Variants in SRGAP1 observed in about 807,000 individuals in gnomAD.
SRGAP1 encodes SLIT-ROBO Rho GTPase-activating protein 1.
A neutral mutation model predicts 121.9 loss-of-function variants in SRGAP1; 43 were observed. The observed-to-expected ratio is 0.35, with a 90% confidence interval of 0.28 to 0.46. SRGAP1 has a LOEUF of 0.46. Ranked by LOEUF, SRGAP1 falls within the 20% of genes least tolerant of loss-of-function variation. SRGAP1 has a pLI of 1.00. For missense variants in SRGAP1, 1,102 were observed against 1,350.9 expected (o/e 0.82, Z 2.89); for synonymous variants, 447 against 485.4 (o/e 0.92, Z 1.04).
At position 64,062,970 on chromosome 12, in the gene SRGAP1, G is replaced by A; in HGVS notation, c.855G>A (p.Leu285=). The stretch of plus-strand genomic sequence containing the variant: ...TGAACAGAGCCCTAAGAACATATCT[G>A]TCTGCGGAGTACAACCTTGAAACCT... ...ASLNRALRTY[L]SAEYNLETSR... Residue 285 remains leucine (L), a synonymous_variant, in exon 7 of 22, where the codon CTG becomes CTA. Coordinates refer to ENST00000355086, the MANE Select transcript of SRGAP1 (RefSeq NM_020762.4). 2.5e-6 allele frequency: 4 copies of A among 1,614,012 alleles called. No homozygotes were observed. The South Asian group carries it at 4.4e-5, about 18-fold the overall frequency.
chr12:63,903,096 GTGTT>G (rs901947544), intron 1 of SRGAP1, among the ~76,000 whole-genome samples: 2 of 152,138 alleles, frequency 1.3e-5, no homozygotes, highest in Non-Finnish European at 2.9e-5. Flanking sequence ...GTGTGTATGT[GTGTT>G]TGTGTGAACT....
chr12:63,973,890 G>A (rs952335567), intron 1 of SRGAP1, among the ~76,000 whole-genome samples: 2 of 152,152 alleles, frequency 1.3e-5, no homozygotes, highest in African/African-American at 4.8e-5. Flanking sequence ...GAATGTCAAT[G>A]TTTGGCAAAT....
Position 63,917,584 on chromosome 12 carries a change from A to G in SRGAP1, c.68-66363A>G, listed in dbSNP as rs1010713149. 5.3e-5 allele frequency among the ~76,000 whole-genome samples: 8 copies of G among 151,032 alleles called. No individual in the cohort carries two copies. The East Asian group carries it at 1.6e-3, about 29-fold the overall frequency. On this transcript the variant is annotated intron_variant, in intron 1 of 21. Coordinates refer to ENST00000355086, the MANE Select transcript of SRGAP1 (RefSeq NM_020762.4). ...CGAAGGCCCTGGGTTTTACTACTAT[A>G]AAATAAGTCATCATCTAGGATGTGA...
chr12:64,108,967 C>G lies in SRGAP1; in HGVS notation c.1849C>G (p.Arg617Gly). 3 of 1,604,002 alleles carry G rather than the reference C, an allele frequency of 1.9e-6. No homozygotes were observed. Among genetic ancestry groups the G allele is most frequent in the Non-Finnish European group, 2.6e-6 (3 of 1,173,258 alleles). The change falls in exon 16 of 22, where the codon CGC (arginine) becomes GGC (glycine). Residue 617 changes from arginine (R) to glycine (G), a missense_variant. Arg to Gly is a moderately radical substitution (Grantham distance 125). Transcript: ENST00000355086. ...TCTCTATGAGAGGGCGCTTCACATC[C>G]GCAAACTCCTCCTGACTTTGCCCAG... ...DNLYERALHIRKLLLTLPRSV... is the reference protein window; with the variant it reads ...DNLYERALHIGKLLLTLPRSV...
chr12:63,881,704 C>T (rs1027187214), intron 1 of SRGAP1, among the ~76,000 whole-genome samples: 3 of 152,174 alleles, frequency 2.0e-5, no homozygotes, highest in African/African-American at 7.2e-5. Context: ...GTGTCCAACA[C>T]TTTTGGGAAG....
intron 1 of SRGAP1, among the ~76,000 whole-genome samples, chr12:63,973,306 C>T (rs1186123446): frequency 6.6e-6 from 1 of 152,174 alleles, no homozygotes; most frequent in Admixed American, 6.5e-5. Context: ...GTCACTTTAG[C>T]TTGCTTTGCA....
intron 1 of SRGAP1, among the ~76,000 whole-genome samples, chr12:63,850,430 A>ATTTTTTTTTTTTTT (rs11326159): frequency 6.9e-6 from 1 of 145,184 alleles, no homozygotes; most frequent in Non-Finnish European, 1.5e-5. Context: ...AAATTGGCCA[A>ATTTTTTTTTTTTTT]TTTTTTTTTT....
intron 21 of SRGAP1, among the ~76,000 whole-genome samples, chr12:64,133,426 C>T (rs913221929): frequency 2.0e-5 from 3 of 152,134 alleles, no homozygotes; most frequent in Non-Finnish European, 4.4e-5. Context: ...GCTAAAACTC[C>T]ATTAATTACC....
intron 1 of SRGAP1, among the ~76,000 whole-genome samples, chr12:63,957,548 T>C (rs1010475319): frequency 2.6e-5 from 4 of 152,134 alleles, no homozygotes; most frequent in Admixed American, 2.0e-4. Flanking sequence ...TCTAAGATGC[T>C]CTAGGATACT....
chr12:63,922,043 A>T (rs1055040279), intron 1 of SRGAP1, among the ~76,000 whole-genome samples: 2 of 148,372 alleles, frequency 1.3e-5, no homozygotes, highest in African/African-American at 5.0e-5. Flanking sequence ...CAGTGGTGTG[A>T]TCTTGGCTCA....
intron 4 of SRGAP1, among the ~76,000 whole-genome samples, chr12:64,021,091 T>C (rs893054635): frequency 2.6e-5 from 4 of 152,172 alleles, no homozygotes; most frequent in African/African-American, 9.6e-5. Context: ...AGATGATTGC[T>C]AGAACTCCAG....
At chr12:63,964,181 A>G (rs2032720144) in intron 1 of SRGAP1, among the ~76,000 whole-genome samples, 1 of 152,176 alleles carries the variant, frequency 6.6e-6, no homozygotes, top group Admixed American at 6.5e-5. Flanking sequence ...AACTGAGATG[A>G]TAATAATAAT....
intron 1 of SRGAP1, among the ~76,000 whole-genome samples, chr12:63,884,262 G>A (rs1900296118): frequency 6.6e-6 from 1 of 152,112 alleles, no homozygotes; most frequent in Admixed American, 6.5e-5. Context: ...TCTAGCCTGG[G>A]TGATGGAGTA....
intron 1 of SRGAP1, among the ~76,000 whole-genome samples, chr12:63,948,890 A>G (rs1442685429): frequency 1.4e-4 from 12 of 88,826 alleles, no homozygotes; most frequent in African/African-American, 4.5e-4. Context: ...TTCCATATAT[A>G]TATATTCCAT....
In SRGAP1 at chr12:64,146,222, T is replaced by C. The variant is rs1246251524; in HGVS notation, c.*3550T>C. 1 of 152,216 alleles carries C rather than the reference T, an allele frequency of 6.6e-6. No individual in the cohort carries two copies. Among genetic ancestry groups the C allele is most frequent in the Non-Finnish European group, 1.5e-5 (1 of 68,054 alleles). The allele number at this position is 152,216 out of a possible 1,614,324, so 9.4% of individuals were successfully genotyped here. A position where few individuals can be genotyped will look rare whatever the true frequency, so the allele number is the denominator to read the frequency against. On this transcript the variant is annotated 3_prime_UTR_variant, in exon 22 of 22. Coordinates refer to ENST00000355086, the MANE Select transcript of SRGAP1 (RefSeq NM_020762.4). ...CTTTGCACATCTTCGTACAACATAATCTGGCTTTGGTGCCCCTTGAGCCAC... is the reference window on the plus strand; with the variant it reads ...CTTTGCACATCTTCGTACAACATAACCTGGCTTTGGTGCCCCTTGAGCCAC...
chr12:63,986,692 G>A (rs551363610), intron 2 of SRGAP1, among the ~76,000 whole-genome samples: 2 of 152,260 alleles, frequency 1.3e-5, no homozygotes, highest in African/African-American at 4.8e-5. Context: ...CAAAGTACAG[G>A]GATGACAGGT....
chr12:63,979,133 A>G (rs1230870790), intron 1 of SRGAP1, among the ~76,000 whole-genome samples: 1 of 134,994 alleles, frequency 7.4e-6, no homozygotes, highest in Non-Finnish European at 1.5e-5. Context: ...TCTGCCTGCC[A>G]GGTTCAAGCA....
intron 9 of SRGAP1, among the ~76,000 whole-genome samples, chr12:64,079,353 G>A (rs768023165): frequency 3.9e-5 from 6 of 151,950 alleles, no homozygotes; most frequent in Non-Finnish European, 5.9e-5. Context: ...CTTTTAGCTG[G>A]GCACAGGGGC....
In SRGAP1 at chr12:63,954,627, G is replaced by T. The variant is rs910374828; in HGVS notation, c.68-29320G>T. Among the ~76,000 whole-genome samples, 7 of 143,600 alleles carry T rather than the reference G, an allele frequency of 4.9e-5. No homozygotes were observed. In the East Asian group the frequency reaches 1.0e-3, roughly 21 times the overall value. The allele number at this position is 143,600 out of a possible 152,430, so 94.2% of individuals were successfully genotyped here. The stretch of plus-strand genomic sequence containing the variant: ...CGGGAGGCGGAGCTTGCAGTGAGCC[G>T]AGATCGTGCCACTGCACTCCAGCCT... On this transcript the variant is annotated intron_variant, in intron 1 of 21. Coordinates refer to ENST00000355086, the MANE Select transcript of SRGAP1 (RefSeq NM_020762.4).
Sources: gnomAD v4.1 joint callset for allele counts (sites outside exome capture counted in the v4.1 genomes callset) on GRCh38, gnomAD v4.1.1 for gene constraint, MANE v1.5 for transcripts, NCBI Gene and HGNC (gene_info 2026-07-23, HGNC 2026-07-21) for gene names.